The following EHBP1 variants were observed in gnomAD, a reference collection of about 807,000 sequenced individuals.
EHBP1 encodes EH domain-binding protein 1.
In EHBP1, 55 loss-of-function variants were observed where a neutral mutation model predicts 144.0. The observed-to-expected ratio is 0.38, with a 90% CI of 0.31 to 0.48. EHBP1 has a LOEUF of 0.48. EHBP1 is among the 20% of genes least tolerant of loss of function. The pLI, the probability that EHBP1 is intolerant of heterozygous loss-of-function variation, is 0.98. For synonymous variants in EHBP1, 469 were observed against 472.7 expected (o/e 0.99, Z 0.10); for missense variants, 1,200 against 1,364.2 (o/e 0.88, Z 1.90).
At chr2:62,841,759 T>C (rs1012793070) in intron 7 of EHBP1, among the ~76,000 whole-genome samples, 2 of 152,186 alleles carry the variant, frequency 1.3e-5, no homozygotes, top group South Asian at 2.1e-4. Context: ...CTTTTCTTTC[T>C]CTTTCCTTTC....
At chr2:62,771,160 A>G (rs578045633) in intron 4 of EHBP1, among the ~76,000 whole-genome samples, 179 bp from the exon 5 acceptor site, 2 of 152,316 alleles carry the variant, frequency 1.3e-5, no homozygotes, top group African/African-American at 4.8e-5. Context: ...CCAAACCTAA[A>G]ATATAAGTTA....
chr2:62,727,208 A>G (rs2036900717), intron 2 of EHBP1, among the ~76,000 whole-genome samples: 1 of 151,742 alleles, frequency 6.6e-6, no homozygotes, highest in African/African-American at 2.4e-5. Flanking sequence ...TGATTATCCT[A>G]TTCCCAACTC....
At chr2:62,929,240 G>A (rs2055782970) in intron 10 of EHBP1, among the ~76,000 whole-genome samples, 1 of 152,164 alleles carries the variant, frequency 6.6e-6, no homozygotes, top group Non-Finnish European at 1.5e-5. Flanking sequence ...TTTGAGGCCA[G>A]CATTATCCTG....
chr2:62,769,938 A>C (rs1161867841), intron 4 of EHBP1, among the ~76,000 whole-genome samples: 1 of 152,146 alleles, frequency 6.6e-6, no homozygotes, highest in Non-Finnish European at 1.5e-5. Context: ...CTATTCAATA[A>C]ATGGTGCTGG....
At chr2:62,753,750 C>G (rs569429411) in intron 3 of EHBP1, among the ~76,000 whole-genome samples, 1 of 152,294 alleles carries the variant, frequency 6.6e-6, no homozygotes, top group Non-Finnish European at 1.5e-5. Context: ...AATTGACCTG[C>G]AATCACTGAT....
chr2:62,814,015 G>T (rs2045257060), intron 5 of EHBP1, among the ~76,000 whole-genome samples: 1 of 152,128 alleles, frequency 6.6e-6, no homozygotes, highest in African/African-American at 2.4e-5. Flanking sequence ...TAAGACTTTG[G>T]GGTTATTGGG....
chr2:62,773,362 C>T (rs1438695341), intron 5 of EHBP1, among the ~76,000 whole-genome samples: 5 of 152,024 alleles, frequency 3.3e-5, no homozygotes, highest in Non-Finnish European at 7.4e-5. Context: ...GGCCAGTTTT[C>T]TGAGATGTGT....
chr2:62,835,821 C>A (rs2047185429), intron 7 of EHBP1, among the ~76,000 whole-genome samples: 1 of 152,220 alleles, frequency 6.6e-6, no homozygotes, highest in Admixed American at 6.5e-5. Context: ...CTATATCCCA[C>A]ACCTGGCTCG....
At chr2:62,725,055 G>T (rs2036619640) in intron 2 of EHBP1, among the ~76,000 whole-genome samples, 1 of 152,116 alleles carries the variant, frequency 6.6e-6, no homozygotes, top group African/African-American at 2.4e-5. Context: ...GATTTTAGGG[G>T]GCCAGTGCTC....
chr2:62,861,724 AGAGT>A (rs2049567939), intron 8 of EHBP1, among the ~76,000 whole-genome samples: 1 of 151,700 alleles, frequency 6.6e-6, no homozygotes, highest in South Asian at 2.1e-4. Context: ...CCTGGGCGAC[AGAGT>A]GAGTGAAACT....
intron 4 of EHBP1, 77 bp downstream of exon 4, chr2:62,764,438 T>C (rs2041013301): frequency 8.6e-7 from 1 of 1,169,492 alleles, no homozygotes; most frequent in African/African-American, 1.6e-5. Flanking sequence ...CAGTGTTCAT[T>C]GTTCTATACA....
At chr2:62,754,306 A>G (rs2040053253) in intron 3 of EHBP1, among the ~76,000 whole-genome samples, 1 of 152,130 alleles carries the variant, frequency 6.6e-6, no homozygotes, top group African/African-American at 2.4e-5. Context: ...GCAGAACAGC[A>G]AATGTTGCTG....
chr2:63,015,826 A>G (rs1444981555), intron 19 of EHBP1, among the ~76,000 whole-genome samples: 4 of 152,178 alleles, frequency 2.6e-5, no homozygotes, highest in African/African-American at 9.7e-5. Context: ...TTGTTTTCTA[A>G]TATGATATAC....
intron 15 of EHBP1, among the ~76,000 whole-genome samples, chr2:62,984,559 A>G (rs1257018576): frequency 6.6e-6 from 1 of 152,348 alleles, no homozygotes; most frequent in East Asian, 1.9e-4. Context: ...ACACATGCAC[A>G]TGCACTTCAG....
At chr2:62,694,006 A>G (rs1347687467) in intron 1 of EHBP1, among the ~76,000 whole-genome samples, 1 of 152,180 alleles carries the variant, frequency 6.6e-6, no homozygotes, top group Non-Finnish European at 1.5e-5. Flanking sequence ...TGCCAAACCC[A>G]AAGCTATGAA....
chr2:62,821,128 C>T (rs1406585300), intron 5 of EHBP1, among the ~76,000 whole-genome samples: 2 of 151,644 alleles, frequency 1.3e-5, no homozygotes, highest in Non-Finnish European at 1.5e-5. Flanking sequence ...TGTAATAAAG[C>T]CCTGAAAAAT....
intron 1 of EHBP1, among the ~76,000 whole-genome samples, chr2:62,696,461 C>G (rs1460120601): frequency 6.7e-6 from 1 of 148,648 alleles, no homozygotes; most frequent in Non-Finnish European, 1.5e-5. Flanking sequence ...TTTTTCTTTT[C>G]CTTTTTCTTC....
At position 63,020,980 on chromosome 2, in the gene EHBP1, A is replaced by ATTTTT. The variant is rs761382729; in HGVS notation, c.3104-16533_3104-16529dup. Among the ~76,000 whole-genome samples the ATTTTT allele has an allele frequency of 1.2e-4, 8 of 68,580 alleles. 2 individuals carry two copies. Among genetic ancestry groups the ATTTTT allele is most frequent in the Non-Finnish European group, 1.6e-4 (6 of 38,528 alleles). The allele number at this position is 68,580 out of a possible 152,430, so 45.0% of individuals were successfully genotyped here. A position where few individuals can be genotyped will look rare whatever the true frequency, so the allele number is the denominator to read the frequency against. On this transcript the variant is annotated intron_variant, in intron 19 of 22. Coordinates refer to ENST00000431489, the MANE Select transcript of EHBP1 (RefSeq NM_001142616.3). ...GGTATGAGCCACCGTGCCTGGCCTC[A>ATTTTT]TTTTTTTTTTTTTTTTTTTTTTTTT... is the stretch of plus-strand genomic sequence containing the variant.
intron 19 of EHBP1, among the ~76,000 whole-genome samples, chr2:63,004,521 ACAAGAAAAAAGTAAATAC>A (rs1299360715): frequency 6.6e-6 from 1 of 152,090 alleles, no homozygotes; most frequent in Non-Finnish European, 1.5e-5. Flanking sequence ...ATATTTATTA[ACAAGAAAAAAGTAAATAC>A]TTTGGGAACA....
Sources: allele counts gnomAD v4.1 joint callset (sites outside exome capture counted in the v4.1 genomes callset), GRCh38; gene constraint gnomAD v4.1.1; transcripts MANE v1.5; gene names NCBI Gene and HGNC (gene_info 2026-07-23, HGNC 2026-07-21).